Variants in PUS7 observed in about 807,000 individuals in gnomAD.
PUS7 encodes pseudouridylate synthase 7 homolog.
A neutral mutation model predicts 79.8 loss-of-function variants in PUS7; 48 were observed. That is an observed-to-expected ratio of 0.60 (90% CI 0.48 to 0.76). The LOEUF is 0.76. Among genes scored for constraint, PUS7 ranks in the 30% least tolerant of loss-of-function variants. PUS7 has a pLI of 0.00. For synonymous variants in PUS7, 286 were observed against 272.2 expected (o/e 1.05, Z -0.50); for missense variants, 729 against 797.6 (o/e 0.91, Z 1.04).
chr7:105,479,566 T>C (rs963476185), intron 9 of PUS7, among the ~76,000 whole-genome samples: 1 of 152,202 alleles, frequency 6.6e-6, no homozygotes, highest in Admixed American at 6.5e-5. Flanking sequence ...ATTCCAGAAG[T>C]AGATTTAGGA....
rs771874380 is a variant in PUS7 at position 105,508,455 on chromosome 7, C to G, written c.58G>C (p.Asp20His). 7 of 1,614,164 alleles carry G rather than the reference C, an allele frequency of 4.3e-6. No individual in the cohort carries two copies. Among genetic ancestry groups the G allele is most frequent in the Non-Finnish European group, 5.9e-6 (7 of 1,180,026 alleles). The change falls in exon 2 of 16, where the codon GAT (aspartate) becomes CAT (histidine). Residue 20 changes from aspartate to histidine, a missense_variant. Asp to His is a moderately conservative substitution (Grantham distance 81, BLOSUM62 -1). Coordinates refer to ENST00000469408, the MANE Select transcript of PUS7 (RefSeq NM_019042.5). Reference protein sequence around the residue: ...SLKRGALVVEDNDSGVPVEET... With the variant: ...SLKRGALVVEHNDSGVPVEET... Reference sequence around the variant, plus strand: ...TCAACTGGGACTCCACTGTCATTATCTTCGACAACCAGTGCCCCACGTTTC... The same window carrying G: ...TCAACTGGGACTCCACTGTCATTATGTTCGACAACCAGTGCCCCACGTTTC...
At chr7:105,496,047 C>T (rs1243764357) in intron 5 of PUS7, among the ~76,000 whole-genome samples, 2 of 151,638 alleles carry the variant, frequency 1.3e-5, no homozygotes, top group Non-Finnish European at 2.9e-5. Context: ...GTAATTCCAG[C>T]TACTTGGGAG....
chr7:105,475,476 T>C (rs200933992), intron 9 of PUS7, among the ~76,000 whole-genome samples: 180 of 151,118 alleles, frequency 1.2e-3, no homozygotes, highest in East Asian at 9.5e-3. Flanking sequence ...TCAGCCACCG[T>C]GCCAGGCCAT....
rs557803802 is a variant in PUS7 at position 105,475,941 on chromosome 7, A to T, written c.1176-3748T>A. Among the ~76,000 whole-genome samples, 16 of 152,138 alleles carry T rather than the reference A, an allele frequency of 1.1e-4. No individual in the cohort carries two copies. The South Asian group carries it at 3.1e-3, about 30-fold the overall frequency. Reference sequence around the variant, plus strand: ...AACCTCATATAAGAGAAATCGTACCATATTTGTTCTTTTGTTACTGGCTTA... The same window carrying T: ...AACCTCATATAAGAGAAATCGTACCTTATTTGTTCTTTTGTTACTGGCTTA... On this transcript the variant is annotated intron_variant, in intron 9 of 15. Transcript: ENST00000469408.
At chr7:105,488,658 A>G (rs1824651334) in intron 7 of PUS7, among the ~76,000 whole-genome samples, 1 of 152,250 alleles carries the variant, frequency 6.6e-6, no homozygotes, top group Admixed American at 6.5e-5. Flanking sequence ...ATATCCATAC[A>G]TTCAAACATA....
chr7:105,499,857 C>A (rs1825179116), intron 5 of PUS7, among the ~76,000 whole-genome samples: 1 of 152,180 alleles, frequency 6.6e-6, no homozygotes, highest in South Asian at 2.1e-4. Context: ...AAAGCTAAAT[C>A]ATTCAAATGC....
chr7:105,521,342 G>A (rs1251406851), intron 1 of PUS7, among the ~76,000 whole-genome samples: 1 of 152,222 alleles, frequency 6.6e-6, no homozygotes, highest in Non-Finnish European at 1.5e-5. Context: ...CTACTCGGCA[G>A]GCAACGAAGG....
chr7:105,506,857 T>C (rs1825483949), intron 2 of PUS7, among the ~76,000 whole-genome samples: 1 of 152,162 alleles, frequency 6.6e-6, no homozygotes, highest in Non-Finnish European at 1.5e-5. Context: ...AACATTACCC[T>C]ATGACGATTC....
chr7:105,515,716 C>T (rs1825865328), intron 1 of PUS7, among the ~76,000 whole-genome samples: 1 of 151,730 alleles, frequency 6.6e-6, no homozygotes, highest in African/African-American at 2.4e-5. Context: ...CAACCTCCAA[C>T]TCCTGAGTTC....
chr7:105,503,134 C>T (rs191785828), intron 4 of PUS7, among the ~76,000 whole-genome samples: 4 of 152,282 alleles, frequency 2.6e-5, no homozygotes, highest in Non-Finnish European at 5.9e-5. Context: ...CATCATAACA[C>T]CATTATATCT....
intron 5 of PUS7, among the ~76,000 whole-genome samples, chr7:105,498,650 C>G (rs1825130650): frequency 6.6e-6 from 1 of 152,190 alleles, no homozygotes; most frequent in Non-Finnish European, 1.5e-5. Flanking sequence ...CCTTCTTATT[C>G]AAGGTCATTC....
intron 9 of PUS7, among the ~76,000 whole-genome samples, chr7:105,476,369 T>A (rs2133106883): frequency 6.6e-6 from 1 of 152,158 alleles, no homozygotes; most frequent in South Asian, 2.1e-4. Flanking sequence ...TATATATATA[T>A]ATTTTTTGAG....
chr7:105,470,655 G>C (rs1411286024), intron 11 of PUS7, 33 bp downstream of exon 11: 1 of 1,527,476 alleles, frequency 6.5e-7, no homozygotes, highest in African/African-American at 1.4e-5. Context: ...AAAACGCCTT[G>C]AGCCATTGCC....
chr7:105,460,729 C>T (rs1252665446), intron 14 of PUS7, among the ~76,000 whole-genome samples: 5 of 150,942 alleles, frequency 3.3e-5, no homozygotes, highest in African/African-American at 1.2e-4. Flanking sequence ...TAGCGGGCGC[C>T]TGTAGTCCCA....
At chr7:105,481,727 T>C (rs1447251410) in intron 8 of PUS7, among the ~76,000 whole-genome samples, 1 of 151,104 alleles carries the variant, frequency 6.6e-6, no homozygotes, top group Non-Finnish European at 1.5e-5. Context: ...AATCACAGGC[T>C]CAGTGTCTTT....
Position 105,466,589 on chromosome 7 carries a change from A to C in PUS7, c.1526-1175T>G, listed in dbSNP as rs562446225. Among the ~76,000 whole-genome samples, 5 of 152,262 alleles carry C rather than the reference A, an allele frequency of 3.3e-5. No homozygotes were observed. The East Asian group carries it at 7.7e-4, about 23-fold the overall frequency. The stretch of plus-strand genomic sequence containing the variant: ...TTTCAATGAAAATTTAAAAACATTT[A>C]TCTCTCAGCTGCATCCACATTTTTT... On this transcript the variant is annotated intron_variant, in intron 12 of 15. Transcript: ENST00000469408.
At chr7:105,488,291 A>C (rs1026840792) in intron 7 of PUS7, among the ~76,000 whole-genome samples, 4 of 152,214 alleles carry the variant, frequency 2.6e-5, no homozygotes, top group Non-Finnish European at 4.4e-5. Flanking sequence ...TCAAATTAGC[A>C]AATGACTCCC....
intron 4 of PUS7, among the ~76,000 whole-genome samples, chr7:105,504,122 T>A (rs991451679): frequency 6.8e-6 from 1 of 147,248 alleles, no homozygotes; most frequent in South Asian, 2.2e-4. Context: ...CAGGCTGGAG[T>A]GCAATGGCAC....
intron 1 of PUS7, among the ~76,000 whole-genome samples, chr7:105,509,560 T>C (rs1304634988): frequency 6.6e-6 from 1 of 152,184 alleles, no homozygotes; most frequent in African/African-American, 2.4e-5. Flanking sequence ...AAACTCCAAC[T>C]CCTGGGCTCA....
Sources: gnomAD v4.1 joint callset for allele counts (sites outside exome capture counted in the v4.1 genomes callset) on GRCh38, gnomAD v4.1.1 for gene constraint, MANE v1.5 for transcripts, NCBI Gene and HGNC (gene_info 2026-07-23, HGNC 2026-07-21) for gene names.